The following KLHL28 variants were observed in gnomAD, a reference collection of about 807,000 sequenced individuals.
The protein encoded by KLHL28 is kelch like family member 28.
A neutral mutation model predicts 48.3 loss-of-function variants in KLHL28; 22 were observed. The ratio of observed to expected loss-of-function variants is 0.46; its 90% CI spans 0.33 to 0.65. The LOEUF is 0.65. Ranked by LOEUF, KLHL28 falls within the 30% of genes least tolerant of loss-of-function variation. The pLI is 0.03. For synonymous variants in KLHL28, 243 were observed against 242.4 expected, an observed-to-expected ratio of 1.00 and a Z score of -0.02; for missense variants, 527 against 704.3, an observed-to-expected ratio of 0.75 and a Z score of 2.85.
intron 3 of KLHL28, among the ~76,000 whole-genome samples, chr14:44,932,830 C>T (rs1215174654): frequency 6.6e-6 from 1 of 152,064 alleles, no homozygotes; most frequent in East Asian, 1.9e-4. Context: ...ATTTTTCCTT[C>T]AACTAAGGGC....
Position 44,927,941 on chromosome 14 carries a change from T to G in KLHL28, c.*1087A>C, listed in dbSNP as rs1372965117. On this transcript the variant is annotated 3_prime_UTR_variant, in exon 5 of 5. Transcript: ENST00000396128. ...AGCATAACACAGGCCATTCTGATGATTTTTGGATGTTAACATTGGCGTAAT... is the reference window on the plus strand; with the variant it reads ...AGCATAACACAGGCCATTCTGATGAGTTTTGGATGTTAACATTGGCGTAAT... 3 of 152,568 alleles carry G rather than the reference T, an allele frequency of 2.0e-5. No individual in the cohort carries two copies. Among genetic ancestry groups the G allele is most frequent in the Non-Finnish European group, 4.4e-5 (3 of 68,004 alleles). The allele number at this position is 152,568 out of a possible 1,614,324, so 9.5% of individuals were successfully genotyped here.
Position 44,934,420 on chromosome 14 carries a change from G to T in KLHL28, c.1038C>A (p.Gly346=), listed in dbSNP as rs751684670. The T allele has an allele frequency of 6.2e-6, 10 of 1,613,938 alleles. No individual in the cohort carries two copies. The African/African-American group carries it at 1.2e-4, about 19-fold the overall frequency. The part of the protein sequence containing the change: ...IGGIATNVRP[G]VTIRKHENSV... ...AATTTTCATGTTTTCTGATAGTGAC[G>T]CCAGGACGCACATTAGTTGCAATAC... is the stretch of plus-strand genomic sequence containing the variant. Residue 346 remains glycine, a synonymous_variant, in exon 3 of 5, where the codon GGC becomes GGA. Transcript: ENST00000396128.
intron 2 of KLHL28, among the ~76,000 whole-genome samples, chr14:44,941,283 T>C (rs924158445): frequency 6.6e-6 from 1 of 152,146 alleles, no homozygotes; most frequent in African/African-American, 2.4e-5. Context: ...TTACTTTGTA[T>C]TCACTTCTAG....
At chr14:44,960,812 A>G (rs1885032835) in intron 1 of KLHL28, 1 of 684,052 alleles carries the variant, frequency 1.5e-6, no homozygotes, top group African/African-American at 1.9e-5. Flanking sequence ...AGCTGGGAGC[A>G]TTATTTATAA....
At chr14:44,938,629 C>T (rs1883935585) in intron 2 of KLHL28, among the ~76,000 whole-genome samples, 1 of 152,198 alleles carries the variant, frequency 6.6e-6, no homozygotes, top group African/African-American at 2.4e-5. Flanking sequence ...CTTGGCCTCC[C>T]AAAGTGCTGA....
At position 44,945,860 on chromosome 14, in the gene KLHL28, C is replaced by T. The variant is rs746641436; in HGVS notation, c.69G>A (p.Gln23=). The T allele has an allele frequency of 1.9e-6, 3 of 1,614,102 alleles. No homozygotes were observed. The highest frequency in any genetic ancestry group is 2.5e-6 in the Non-Finnish European group (3 of 1,180,002). ...LTHLHSEQLL[Q]GLNLLRQHHE... ...GATGTTGGCGAAGAAGATTCAAGCC[C>T]TGCAGAAGTTGTTCAGAATGCAAGT... The change falls in exon 2 of 5, where the codon CAG becomes CAA. Residue 23 remains glutamine, a synonymous_variant. Transcript: ENST00000396128.
chr14:44,931,217 T>C (rs1883572308), intron 4 of KLHL28, 116 bp downstream of exon 4: 1 of 590,066 alleles, frequency 1.7e-6, no homozygotes, highest in Admixed American at 3.5e-5. Flanking sequence ...GTCTTTTTTT[T>C]TTTTTTTCTG....
intron 1 of KLHL28, among the ~76,000 whole-genome samples, chr14:44,946,482 C>T (rs1042126191): frequency 6.6e-6 from 1 of 150,606 alleles, no homozygotes; most frequent in Admixed American, 6.6e-5. Context: ...TAATTATGAA[C>T]AGAATCCAAA....
rs534095342 is a variant in KLHL28 at position 44,925,487 on chromosome 14, T to C, written c.*3541A>G. The C allele has an allele frequency of 3.3e-5, 5 of 152,226 alleles. No homozygotes were observed. The highest frequency in any genetic ancestry group is 3.3e-4 in the Admixed American group (5 of 15,290). 9.4% of individuals were successfully genotyped at this position (152,226 alleles called of 1,614,324 possible). A position where few individuals can be genotyped will look rare whatever the true frequency, so the allele number is the denominator to read the frequency against. ...TAATTGGACACTAAGGAATTGCTTA[T>C]GCATAAACTAGGTCTCTAATCACTT... On this transcript the variant is annotated 3_prime_UTR_variant, in exon 5 of 5. Coordinates refer to ENST00000396128, the MANE Select transcript of KLHL28 (RefSeq NM_017658.5).
rs112595029 is a variant in KLHL28, at chr14:44,926,510, CTT to C, written c.*2516_*2517del. 7 of 144,898 alleles carry C rather than the reference CTT, an allele frequency of 4.8e-5. No homozygotes were observed. The highest frequency in any genetic ancestry group is 3.5e-3 in the Middle Eastern group (1 of 282). 9.0% of individuals were successfully genotyped at this position (144,898 alleles called of 1,614,324 possible). On this transcript the variant is annotated 3_prime_UTR_variant, in exon 5 of 5. Transcript: ENST00000396128. ...GAATAGATGTGTTTATAATTAAAAT[CTT>C]TTTTTTTTTTTGAGGTGGAGTTTCA...
intron 2 of KLHL28, among the ~76,000 whole-genome samples, chr14:44,934,902 A>G (rs1883743962): frequency 6.6e-6 from 1 of 152,204 alleles, no homozygotes; most frequent in Non-Finnish European, 1.5e-5. Context: ...GCATCTAGAT[A>G]AATATACACA....
chr14:44,950,158 TTTA>T (rs1566575696), intron 1 of KLHL28, among the ~76,000 whole-genome samples: 2 of 151,876 alleles, frequency 1.3e-5, no homozygotes, highest in African/African-American at 4.8e-5. Flanking sequence ...ATTAAACGAG[TTTA>T]TACATAAAAA....
intron 2 of KLHL28, among the ~76,000 whole-genome samples, chr14:44,942,057 C>T (rs757458365): frequency 2.6e-5 from 4 of 152,188 alleles, no homozygotes; most frequent in Non-Finnish European, 2.9e-5. Context: ...TTGAGCTGTG[C>T]ACTCATATCC....
At chr14:44,948,264 AG>A (rs1252507506) in intron 1 of KLHL28, among the ~76,000 whole-genome samples, 1 of 152,160 alleles carries the variant, frequency 6.6e-6, no homozygotes, top group African/African-American at 2.4e-5. Context: ...AATGTAGCTG[AG>A]GTTTTTGAGG....
Position 44,928,635 on chromosome 14 carries a change from G to A in KLHL28, c.*393C>T, listed in dbSNP as rs1291186794. On this transcript the variant is annotated 3_prime_UTR_variant, in exon 5 of 5. Transcript: ENST00000396128. ...CATTCAATACACTCCAGCACCTAAA[G>A]CATCGCTCATCCTAGAAAATCATGG... 6.9e-6 allele frequency: 1 copy of A among 144,860 alleles called. No individual in the cohort carries two copies. Among genetic ancestry groups the A allele is most frequent in the East Asian group, 2.1e-4 (1 of 4,686 alleles). The allele number at this position is 144,860 out of a possible 1,614,324, so 9.0% of individuals were successfully genotyped here.
intron 1 of KLHL28, among the ~76,000 whole-genome samples, chr14:44,959,090 A>T (rs1337505562): frequency 1.3e-5 from 2 of 151,856 alleles, no homozygotes; most frequent in African/African-American, 4.8e-5. Context: ...ATAATAAATT[A>T]AAAAATATAT....
chr14:44,960,396 T>C lies in KLHL28; in HGVS notation c.-1+1450A>G, dbSNP rs939382477. Among the ~76,000 whole-genome samples, 5 of 152,230 alleles carry C rather than the reference T, an allele frequency of 3.3e-5. No individual in the cohort carries two copies. In the East Asian group the frequency reaches 7.7e-4, roughly 23 times the overall value. ...AACTGGCACTGTAATGTGTACATCA[T>C]TGTCTAGGTTAGTTTGAACTGGGTT... is the stretch of plus-strand genomic sequence containing the variant. On this transcript the variant is annotated intron_variant, in intron 1 of 4. Transcript: ENST00000396128.
rs1174488091 is a variant in KLHL28, at chr14:44,945,013, G to A, written c.899+17C>T. The A allele has an allele frequency of 6.6e-7, 1 of 1,514,782 alleles. No individual in the cohort carries two copies. The highest frequency in any genetic ancestry group is 8.9e-7 in the Non-Finnish European group (1 of 1,118,582). 93.8% of individuals were successfully genotyped at this position (1,514,782 alleles called of 1,614,324 possible). A position where few individuals can be genotyped will look rare whatever the true frequency, so the allele number is the denominator to read the frequency against. ...AAATCAATTAGCATCATTCATTTAG[G>A]AAAGCCTTCTATTTACCTATCCAAA... is the stretch of plus-strand genomic sequence containing the variant. On this transcript the variant is annotated intron_variant, in intron 2 of 4. Transcript: ENST00000396128.
At chr14:44,957,860 TCAAA>T (rs1424964554) in intron 1 of KLHL28, among the ~76,000 whole-genome samples, 1 of 151,962 alleles carries the variant, frequency 6.6e-6, no homozygotes, top group Non-Finnish European at 1.5e-5. Flanking sequence ...AAATCTTAAC[TCAAA>T]CAAGAAATTA....
Sources: allele counts gnomAD v4.1 joint callset (sites outside exome capture counted in the v4.1 genomes callset), GRCh38; gene constraint gnomAD v4.1.1; transcripts MANE v1.5; gene names NCBI Gene and HGNC (gene_info 2026-07-23, HGNC 2026-07-21).